The following SLC17A8 variants were observed in gnomAD, a reference collection of about 807,000 sequenced individuals.
SLC17A8 encodes vesicular glutamate transporter 3.
Under a neutral mutation model 58.0 loss-of-function variants are expected in SLC17A8, and 31 were observed. The observed-to-expected ratio is 0.53, with a 90% CI of 0.40 to 0.72. The LOEUF (loss-of-function observed/expected upper bound fraction) is 0.72. SLC17A8 is among the 30% of genes least tolerant of loss of function. The probability of loss-of-function intolerance (pLI) is 0.00; values close to 1 mark genes in which losing one functional copy is unlikely to be tolerated. For missense variants in SLC17A8, 655 were observed against 727.8 expected (o/e 0.90, Z 1.15); for synonymous variants, 228 against 249.0 (o/e 0.92, Z 0.79).
At chr12:100,386,820 T>C (rs1017673948) in intron 2 of SLC17A8, among the ~76,000 whole-genome samples, 5 of 151,650 alleles carry the variant, frequency 3.3e-5, no homozygotes, top group African/African-American at 9.7e-5. Context: ...TCCTGAGTAG[T>C]TGGGATTACA....
In SLC17A8 at chr12:100,401,144, C is replaced by T. The variant is rs183666535; in HGVS notation, c.677-633C>T. 6.6e-3 allele frequency among the ~76,000 whole-genome samples: 1,008 copies of T among 151,596 alleles called. 9 individuals carry two copies. Among genetic ancestry groups the T allele is most frequent in the African/African-American group, 0.017 (696 of 41,334 alleles). On this transcript the variant is annotated intron_variant, in intron 5 of 11. Transcript: ENST00000323346. Reference sequence around the variant, plus strand: ...GCCCAAGTAGCTGGGATTACAGGCACGCGCCACCATGCCAGGCTAATTTTT... The same window carrying T: ...GCCCAAGTAGCTGGGATTACAGGCATGCGCCACCATGCCAGGCTAATTTTT...
At chr12:100,376,434 T>C (rs1486170488) in intron 1 of SLC17A8, among the ~76,000 whole-genome samples, 2 of 152,102 alleles carry the variant, frequency 1.3e-5, no homozygotes, top group Non-Finnish European at 2.9e-5. Flanking sequence ...AGGAAGATCA[T>C]TGAGAAGGAG....
rs1593011311 is a variant in SLC17A8 at position 100,421,309 on chromosome 12, G to C, written c.*1150G>C. On this transcript the variant is annotated 3_prime_UTR_variant, in exon 12 of 12. Coordinates refer to ENST00000323346, the MANE Select transcript of SLC17A8 (RefSeq NM_139319.3). ...TTATATTAGGAAGTTTCATCAGATT[G>C]TATAAAATTATGATTTTGTATCAAA... is the stretch of plus-strand genomic sequence containing the variant. 1.3e-5 allele frequency: 2 copies of C among 152,050 alleles called. No homozygotes were observed. The highest frequency in any genetic ancestry group is 4.8e-5 in the African/African-American group (2 of 41,412). The allele number at this position is 152,050 out of a possible 1,614,324, so 9.4% of individuals were successfully genotyped here.
intron 1 of SLC17A8, among the ~76,000 whole-genome samples, chr12:100,369,300 A>G (rs1952543493): frequency 6.6e-6 from 1 of 152,198 alleles, no homozygotes; most frequent in East Asian, 1.9e-4. Flanking sequence ...ATAAAAAATA[A>G]AAGAATGTTA....
intron 6 of SLC17A8, 145 bp downstream of exon 6, chr12:100,402,008 TGATTA>T: frequency 1.4e-6 from 1 of 725,344 alleles, no homozygotes; most frequent in Non-Finnish European, 2.4e-6. Context: ...ATCTATGATT[TGATTA>T]ATATTTATAT....
chr12:100,363,168 C>T (rs1233678461), intron 1 of SLC17A8, among the ~76,000 whole-genome samples: 1 of 152,120 alleles, frequency 6.6e-6, no homozygotes, highest in Non-Finnish European at 1.5e-5. Flanking sequence ...CTAGGATTTC[C>T]ATTGTGTTCC....
chr12:100,387,204 A>AC (rs1340465150), intron 2 of SLC17A8, among the ~76,000 whole-genome samples: 1 of 152,084 alleles, frequency 6.6e-6, no homozygotes, highest in Non-Finnish European at 1.5e-5. Context: ...TGGTGGCTGC[A>AC]CCCATTCCCA....
chr12:100,374,664 G>A (rs1471547967), intron 1 of SLC17A8, among the ~76,000 whole-genome samples: 1 of 149,140 alleles, frequency 6.7e-6, no homozygotes, highest in Non-Finnish European at 1.5e-5. Context: ...CCCCCTGCCT[G>A]GGGGAAGTTA....
chr12:100,414,388 A>G (rs1194299742), intron 10 of SLC17A8, among the ~76,000 whole-genome samples: 2 of 152,242 alleles, frequency 1.3e-5, no homozygotes, highest in African/African-American at 4.8e-5. Flanking sequence ...ACTTGCAGCT[A>G]AGTAATTTGG....
At chr12:100,417,098 G>A (rs1345794820) in intron 10 of SLC17A8, among the ~76,000 whole-genome samples, 2 of 152,172 alleles carry the variant, frequency 1.3e-5, no homozygotes, top group African/African-American at 2.4e-5. Flanking sequence ...TAGAGGTGAG[G>A]TTTTGCCATG....
At chr12:100,391,361 T>A (rs1392282201) in intron 3 of SLC17A8, among the ~76,000 whole-genome samples, 1 of 151,888 alleles carries the variant, frequency 6.6e-6, no homozygotes. Context: ...CTTGGCTCAC[T>A]GCAACCTCTG....
At chr12:100,385,372 A>G (rs1952667341) in intron 2 of SLC17A8, among the ~76,000 whole-genome samples, 1 of 150,556 alleles carries the variant, frequency 6.6e-6, no homozygotes. Context: ...AGTAGCTGGG[A>G]TTACAGGTGC....
chr12:100,408,943 C>T (rs577469261), intron 9 of SLC17A8, among the ~76,000 whole-genome samples: 1 of 152,236 alleles, frequency 6.6e-6, no homozygotes, highest in Non-Finnish European at 1.5e-5. Flanking sequence ...TAAGACTTCC[C>T]TAATTACATT....
rs759673473 is a variant in SLC17A8 at position 100,391,051 on chromosome 12, T to C, written c.405T>C (p.Ser135=). 1 of 1,613,836 alleles carries C rather than the reference T, an allele frequency of 6.2e-7. No homozygotes were observed. The highest frequency in any genetic ancestry group is 8.5e-7 in the Non-Finnish European group (1 of 1,179,782). The change falls in exon 3 of 12, where the codon TCT becomes TCC. Residue 135 remains serine (S), a synonymous_variant. Transcript: ENST00000323346. ...AAACAGTGGGCCTTATCCATGGATCTTTTTTCTGGGGCTATATTATGACAC... is the reference window on the plus strand; with the variant it reads ...AAACAGTGGGCCTTATCCATGGATCCTTTTTCTGGGGCTATATTATGACAC... ...DPETVGLIHG[S]FFWGYIMTQI...
intron 5 of SLC17A8, among the ~76,000 whole-genome samples, chr12:100,396,743 G>C (rs1308573938): frequency 6.6e-6 from 1 of 151,476 alleles, no homozygotes; most frequent in East Asian, 1.9e-4. Context: ...GTGAGACCTT[G>C]TATCTAAAAA....
chr12:100,414,616 G>T (rs1435708250), intron 10 of SLC17A8, among the ~76,000 whole-genome samples: 1 of 152,124 alleles, frequency 6.6e-6, no homozygotes, highest in Admixed American at 6.5e-5. Flanking sequence ...TCTTAGCACT[G>T]GGGATATTGC....
chr12:100,377,561 G>A (rs1952602752), intron 1 of SLC17A8, among the ~76,000 whole-genome samples: 1 of 143,200 alleles, frequency 7.0e-6, no homozygotes, highest in Admixed American at 7.0e-5. Flanking sequence ...ATCCAAGATG[G>A]CTTCAAGATA....
At chr12:100,370,448 C>A (rs1321757067) in intron 1 of SLC17A8, among the ~76,000 whole-genome samples, 1 of 151,658 alleles carries the variant, frequency 6.6e-6, no homozygotes, top group African/African-American at 2.4e-5. Context: ...CAGGCATGCA[C>A]CACCATGTCC....
chr12:100,418,774 T>A (rs556135841), intron 11 of SLC17A8, among the ~76,000 whole-genome samples: 4,540 of 152,310 alleles, frequency 0.03, 117 homozygotes, highest in Middle Eastern at 0.048. Flanking sequence ...CCATGGGATT[T>A]TTTTCCCCCA....
Sources: allele counts gnomAD v4.1 joint callset (sites outside exome capture counted in the v4.1 genomes callset), GRCh38; gene constraint gnomAD v4.1.1; transcripts MANE v1.5; gene names NCBI Gene and HGNC (gene_info 2026-07-23, HGNC 2026-07-21).